The following SORCS3 variants were observed in gnomAD, a reference collection of about 807,000 sequenced individuals.
The protein encoded by SORCS3 is sortilin related VPS10 domain containing receptor 3, also known as VPS10 domain-containing receptor SorCS3.
A neutral mutation model predicts 146.3 loss-of-function variants in SORCS3; 57 were observed. The observed-to-expected ratio is 0.39, with a 90% CI of 0.31 to 0.49. SORCS3 has a LOEUF of 0.49. Ranked by LOEUF, SORCS3 falls within the 20% of genes least tolerant of loss-of-function variation. The pLI is 0.92. For synonymous variants in SORCS3, 653 were observed against 618.5 expected, an observed-to-expected ratio of 1.06 and a Z score of -0.83; for missense variants, 1,341 against 1,575.5, an observed-to-expected ratio of 0.85 and a Z score of 2.52.
chr10:104,790,290 C>T (rs1169237592), intron 1 of SORCS3, among the ~76,000 whole-genome samples: 1 of 152,182 alleles, frequency 6.6e-6, no homozygotes, highest in Non-Finnish European at 1.5e-5. Context: ...CAAACCACTT[C>T]CTGGTAAGAG....
intron 3 of SORCS3, among the ~76,000 whole-genome samples, chr10:104,973,403 T>G (rs2054873657): frequency 6.6e-6 from 1 of 152,210 alleles, no homozygotes. Context: ...GAGAGTCAAC[T>G]TCTTCCTGGT....
At chr10:104,953,466 T>C (rs2019454902) in intron 3 of SORCS3, among the ~76,000 whole-genome samples, 1 of 152,260 alleles carries the variant, frequency 6.6e-6, no homozygotes, top group African/African-American at 2.4e-5. Flanking sequence ...TTCAGGACTT[T>C]GCTCTCAGAG....
chr10:104,643,709 G>GGTGTGTGTGTGTGTGTGT (rs3069967), intron 1 of SORCS3, among the ~76,000 whole-genome samples: 49 of 144,732 alleles, frequency 3.4e-4, no homozygotes, highest in African/African-American at 9.2e-4. Flanking sequence ...TGATAATTAG[G>GGTGTGTGTGTGTGTGTGT]GTGTGTGTGT....
chr10:105,232,296 A>G (rs548616052), intron 20 of SORCS3, among the ~76,000 whole-genome samples: 11 of 152,004 alleles, frequency 7.2e-5, no homozygotes, highest in Non-Finnish European at 1.2e-4. Context: ...AAATTGATCT[A>G]TTTCATCTGG....
At chr10:105,067,399 C>T (rs983711936) in intron 5 of SORCS3, among the ~76,000 whole-genome samples, 2 of 152,096 alleles carry the variant, frequency 1.3e-5, no homozygotes, top group East Asian at 1.9e-4. Context: ...TGGTGGCAGG[C>T]GCCGGTATTC....
chr10:104,744,644 T>C (rs2016886686), intron 1 of SORCS3, among the ~76,000 whole-genome samples: 2 of 152,210 alleles, frequency 1.3e-5, no homozygotes. Flanking sequence ...CTAAAGCCCA[T>C]GCTTTTAACC....
At chr10:104,729,527 C>T (rs952798367) in intron 1 of SORCS3, among the ~76,000 whole-genome samples, 2 of 152,104 alleles carry the variant, frequency 1.3e-5, no homozygotes, top group African/African-American at 4.8e-5. Context: ...GACTTCAGAT[C>T]CAAAATGATA....
At chr10:104,926,026 C>T (rs1489191919) in intron 3 of SORCS3, among the ~76,000 whole-genome samples, 1 of 152,190 alleles carries the variant, frequency 6.6e-6, no homozygotes, top group Non-Finnish European at 1.5e-5. Context: ...ATCAAGATTG[C>T]AGACTGGAAG....
At chr10:104,904,766 A>G (rs1254915389) in intron 2 of SORCS3, among the ~76,000 whole-genome samples, 1 of 147,102 alleles carries the variant, frequency 6.8e-6, no homozygotes, top group Non-Finnish European at 1.5e-5. Context: ...TTTCTATATG[A>G]TGTGGCTATC....
At chr10:105,017,703 A>G (rs2055176166) in intron 4 of SORCS3, among the ~76,000 whole-genome samples, 1 of 152,182 alleles carries the variant, frequency 6.6e-6, no homozygotes, top group Non-Finnish European at 1.5e-5. Context: ...ACAAGGGTGG[A>G]TCCTTGTCTG....
At chr10:105,030,355 G>T (rs763424828) in intron 4 of SORCS3, among the ~76,000 whole-genome samples, 45 of 152,130 alleles carry the variant, frequency 3.0e-4, no homozygotes, top group Non-Finnish European at 5.9e-4. Flanking sequence ...GTCTGAGATG[G>T]TCTCAGCTGG....
At chr10:105,094,295 T>C (rs2055730745) in intron 6 of SORCS3, among the ~76,000 whole-genome samples, 1 of 152,226 alleles carries the variant, frequency 6.6e-6, no homozygotes, top group Admixed American at 6.5e-5. Context: ...TACGTAAGTC[T>C]ATATATCTGT....
intron 16 of SORCS3, among the ~76,000 whole-genome samples, chr10:105,206,155 C>G (rs765802609): frequency 1.3e-5 from 2 of 152,108 alleles, no homozygotes; most frequent in South Asian, 4.2e-4. Flanking sequence ...AGAGGATAAA[C>G]AAGACAATAA....
chr10:104,920,471 C>A (rs577694843), intron 3 of SORCS3, among the ~76,000 whole-genome samples: 34 of 152,332 alleles, frequency 2.2e-4, no homozygotes, highest in Admixed American at 1.1e-3. Flanking sequence ...ACTAACTGAG[C>A]AGCTACTATC....
chr10:104,734,947 C>T (rs2016750401), intron 1 of SORCS3, among the ~76,000 whole-genome samples: 1 of 152,160 alleles, frequency 6.6e-6, no homozygotes, highest in African/African-American at 2.4e-5. Context: ...TAACTTATTA[C>T]TAATACATCT....
intron 2 of SORCS3, among the ~76,000 whole-genome samples, chr10:104,879,676 C>T (rs1237413382): frequency 1.3e-5 from 2 of 152,146 alleles, no homozygotes; most frequent in East Asian, 1.9e-4. Context: ...AAGATGCCTC[C>T]CCTAGTTGGA....
intron 3 of SORCS3, among the ~76,000 whole-genome samples, chr10:104,961,363 A>C (rs1332426771): frequency 6.6e-6 from 1 of 152,280 alleles, no homozygotes; most frequent in East Asian, 1.9e-4. Context: ...GTAGAAATCC[A>C]TGTCTGGGTT....
intron 1 of SORCS3, among the ~76,000 whole-genome samples, chr10:104,702,614 A>G (rs1457745875): frequency 2.0e-5 from 3 of 152,214 alleles, no homozygotes; most frequent in Non-Finnish European, 4.4e-5. Flanking sequence ...TGATGTTTCC[A>G]AGAGCTCCAT....
chr10:104,792,141 C>T (rs974225736), intron 1 of SORCS3, among the ~76,000 whole-genome samples: 1 of 152,104 alleles, frequency 6.6e-6, no homozygotes, highest in African/African-American at 2.4e-5. Flanking sequence ...GAAGCCTGGG[C>T]CAGTGTCTAC....
Sources: allele counts gnomAD v4.1 joint callset (sites outside exome capture counted in the v4.1 genomes callset), GRCh38; gene constraint gnomAD v4.1.1; transcripts MANE v1.5; gene names NCBI Gene and HGNC (gene_info 2026-07-23, HGNC 2026-07-21).